The following WDR19 variants were observed in gnomAD, a reference collection of about 807,000 sequenced individuals.
WDR19 encodes the protein WD repeat-containing protein 19.
WDR19 carries 121 observed loss-of-function variants against 180.0 expected under a neutral mutation model. The ratio of observed to expected loss-of-function variants is 0.67; its 90% CI spans 0.58 to 0.78. The LOEUF (loss-of-function observed/expected upper bound fraction) is 0.78. WDR19 is among the 30% of genes least tolerant of loss of function. WDR19 has a pLI of 0.00. For synonymous variants in WDR19, 497 were observed against 540.7 expected (o/e 0.92, Z 1.12); for missense variants, 1,450 against 1,640.7 (o/e 0.88, Z 2.01).
chr4:39,188,742 C>CTA (rs1486916546), intron 3 of WDR19, among the ~76,000 whole-genome samples: 2 of 151,726 alleles, frequency 1.3e-5, no homozygotes, highest in African/African-American at 4.8e-5. Flanking sequence ...ATTTATCTAG[C>CTA]TATAACTTTG....
At chr4:39,232,486 G>A (rs553845632) in intron 19 of WDR19, among the ~76,000 whole-genome samples, 6 of 152,208 alleles carry the variant, frequency 3.9e-5, no homozygotes, top group Middle Eastern at 3.4e-3. Context: ...TTAGCCGGAC[G>A]TGGTGGCATG....
At chr4:39,219,601 G>A (rs1043370907) in intron 14 of WDR19, among the ~76,000 whole-genome samples, 1 of 152,184 alleles carries the variant, frequency 6.6e-6, no homozygotes, top group African/African-American at 2.4e-5. Context: ...TCCAAGCCTT[G>A]TTTTCCTTAT....
chr4:39,191,960 T>C (rs1377880477), intron 4 of WDR19, among the ~76,000 whole-genome samples: 2 of 152,230 alleles, frequency 1.3e-5, no homozygotes, highest in African/African-American at 2.4e-5. Context: ...AATTTACATA[T>C]GCTTTAGTAT....
In WDR19 at chr4:39,215,918, C is replaced by G. The variant is rs201958863; in HGVS notation, c.1039C>G (p.Leu347Val). Residue 347 changes from leucine to valine, a missense_variant, in exon 11 of 37, where the codon CTG (leucine) becomes GTG (valine). Transcript: ENST00000399820. ...CCAAAGGGGCTCACTTCATGTTTTCCTGACCAAGCTTCCCATACTTGGGGA... is the reference window on the plus strand; with the variant it reads ...CCAAAGGGGCTCACTTCATGTTTTCGTGACCAAGCTTCCCATACTTGGGGA... ...STQRGSLHVF[L>V]TKLPILGDAC... The G allele has an allele frequency of 6.8e-6, 11 of 1,613,660 alleles. No homozygotes were observed. Among genetic ancestry groups the G allele is most frequent in the Non-Finnish European group, 9.3e-6 (11 of 1,179,814 alleles).
At chr4:39,244,999 C>T (rs556411721) in intron 23 of WDR19, among the ~76,000 whole-genome samples, 96 of 148,480 alleles carry the variant, frequency 6.5e-4, no homozygotes, top group Admixed American at 1.2e-3. Flanking sequence ...GCAGCTGGCA[C>T]GATCTCAGCT....
intron 36 of WDR19, among the ~76,000 whole-genome samples, chr4:39,279,411 C>A (rs1308661267): frequency 6.6e-6 from 1 of 152,220 alleles, no homozygotes; most frequent in Non-Finnish European, 1.5e-5. Flanking sequence ...CCCCCATGAG[C>A]AAGGGCTCTC....
At chr4:39,219,524 A>C (rs891813128) in intron 14 of WDR19, among the ~76,000 whole-genome samples, 6 of 152,192 alleles carry the variant, frequency 3.9e-5, no homozygotes, top group African/African-American at 1.4e-4. Context: ...AAAAGTTCAG[A>C]CTTTGGAGAC....
At chr4:39,212,292 T>A (rs79515186) in intron 9 of WDR19, among the ~76,000 whole-genome samples, 1,660 of 151,952 alleles carry the variant, frequency 0.011, 38 homozygotes, top group East Asian at 0.1. Flanking sequence ...GAAAAAAAAA[T>A]TTTCGACACA....
At chr4:39,194,024 A>G (rs1022736128) in intron 4 of WDR19, among the ~76,000 whole-genome samples, 1 of 152,202 alleles carries the variant, frequency 6.6e-6, no homozygotes, top group Non-Finnish European at 1.5e-5. Context: ...AACCTCATGA[A>G]TCGTAGAATG....
In WDR19 at chr4:39,253,260, C is replaced by T. The variant is rs1733423403; in HGVS notation, c.2844C>T (p.Thr948=). The T allele has an allele frequency of 6.2e-7, 1 of 1,612,838 alleles. No individual in the cohort carries two copies. Among genetic ancestry groups the T allele is most frequent in the Non-Finnish European group, 8.5e-7 (1 of 1,179,546 alleles). ...AAGCTGTCAATATTGTTAGAGAGAC[C>T]CAGTCTCTGGATGGAGCCAAAATGG... ...PEKAVNIVRE[T]QSLDGAKMVA... is the part of the protein sequence containing the mutation. The change falls in exon 25 of 37, where the codon ACC becomes ACT. Residue 948 remains threonine (T), a synonymous_variant. Transcript: ENST00000399820.
At chr4:39,257,000 G>T (rs1242732862) in intron 27 of WDR19, among the ~76,000 whole-genome samples, 1 of 152,078 alleles carries the variant, frequency 6.6e-6, no homozygotes, top group Non-Finnish European at 1.5e-5. Context: ...TAAGTGTGGT[G>T]TTACGGTGTT....
chr4:39,228,790 T>C (rs1342255422), intron 17 of WDR19, 100 bp downstream of exon 17: 12 of 1,337,992 alleles, frequency 9.0e-6, no homozygotes, highest in Non-Finnish European at 1.1e-5. Flanking sequence ...GCTTTATTCT[T>C]TATCCTTGCA....
At chr4:39,266,967 T>C (rs1301784760) in intron 29 of WDR19, among the ~76,000 whole-genome samples, 1 of 152,186 alleles carries the variant, frequency 6.6e-6, no homozygotes, top group Non-Finnish European at 1.5e-5. Context: ...CCTATAGTCC[T>C]AGCTACTCAG....
rs540593231 is a variant in WDR19 at position 39,249,559 on chromosome 4, C to G, written c.2730-3587C>G. Among the ~76,000 whole-genome samples, 1,407 of 151,710 alleles carry G rather than the reference C, an allele frequency of 9.3e-3. 22 individuals are homozygous for G. The highest frequency in any genetic ancestry group is 0.032 in the African/African-American group (1,319 of 41,336). On this transcript the variant is annotated intron_variant, in intron 24 of 36. Transcript: ENST00000399820. Reference sequence around the variant, plus strand: ...CAAAAAATCAATGAATCCAGGAGCTCGTTTTTTGAAAAGATCAACAAAATT... The same window carrying G: ...CAAAAAATCAATGAATCCAGGAGCTGGTTTTTTGAAAAGATCAACAAAATT...
chr4:39,202,416 T>A (rs1309989506), intron 6 of WDR19, among the ~76,000 whole-genome samples: 1 of 152,164 alleles, frequency 6.6e-6, no homozygotes, highest in Non-Finnish European at 1.5e-5. Flanking sequence ...CTCATACATA[T>A]GAAAAAAATT....
chr4:39,196,339 G>A (rs1726746473), intron 5 of WDR19, among the ~76,000 whole-genome samples: 1 of 152,188 alleles, frequency 6.6e-6, no homozygotes, highest in African/African-American at 2.4e-5. Context: ...AACATCTTCA[G>A]TGAGGTGTCT....
chr4:39,254,165 A>C, intron 26 of WDR19, 135 bp downstream of exon 26: 1 of 772,770 alleles, frequency 1.3e-6, no homozygotes, highest in Non-Finnish European at 1.8e-6. Flanking sequence ...ATACATAGAC[A>C]CACATGTATC....
intron 31 of WDR19, 133 bp downstream of exon 31, chr4:39,270,233 A>G (rs1735218469): frequency 8.0e-7 from 1 of 1,252,486 alleles, no homozygotes. Context: ...AAAACAAGAT[A>G]CAGAACATAT....
intron 36 of WDR19, among the ~76,000 whole-genome samples, chr4:39,280,089 AT>A (rs999963688): frequency 5.3e-5 from 4 of 75,820 alleles, no homozygotes; most frequent in Non-Finnish European, 1.3e-4. Flanking sequence ...ATTTGGAAGT[AT>A]TTTTTTGTGG....
Sources: allele counts gnomAD v4.1 joint callset (sites outside exome capture counted in the v4.1 genomes callset), GRCh38; gene constraint gnomAD v4.1.1; transcripts MANE v1.5; gene names NCBI Gene and HGNC (gene_info 2026-07-23, HGNC 2026-07-21).